Variants in LRMDA observed in about 807,000 individuals in gnomAD.
LRMDA encodes leucine rich melanocyte differentiation associated.
A neutral mutation model predicts 29.8 loss-of-function variants in LRMDA; 18 were observed. The ratio of observed to expected loss-of-function variants is 0.60; its 90% CI spans 0.42 to 0.90. The LOEUF is 0.90. LRMDA is among the 40% of genes least tolerant of loss of function. LRMDA has a pLI of 0.00. For missense variants in LRMDA, 273 were observed against 273.9 expected (o/e 1.00, Z 0.02); for synonymous variants, 125 against 109.4 (o/e 1.14, Z -0.89).
intron 2 of LRMDA, among the ~76,000 whole-genome samples, chr10:75,820,711 G>T (rs1453747780): frequency 3.9e-5 from 6 of 152,010 alleles, no homozygotes; most frequent in Admixed American, 2.6e-4. Flanking sequence ...GCCACTCAAA[G>T]GATCAATGTA....
intron 2 of LRMDA, among the ~76,000 whole-genome samples, chr10:75,672,890 C>G (rs1180706216): frequency 6.6e-6 from 1 of 151,522 alleles, no homozygotes; most frequent in Non-Finnish European, 1.5e-5. Context: ...TGTTTCCTTC[C>G]ACCGTTGGCT....
intron 2 of LRMDA, chr10:75,782,962 T>C (rs1243433780): frequency 6.2e-7 from 1 of 1,613,882 alleles, no homozygotes; most frequent in African/African-American, 1.3e-5. Context: ...GTCAATATCT[T>C]TGCCTTGAAA....
intron 2 of LRMDA, among the ~76,000 whole-genome samples, chr10:75,500,141 G>A (rs1217995487): frequency 2.0e-5 from 3 of 152,056 alleles, no homozygotes; most frequent in African/African-American, 7.2e-5. Context: ...CTGAGGTAGG[G>A]GGCTGGAGAC....
intron 2 of LRMDA, among the ~76,000 whole-genome samples, chr10:75,467,265 T>G (rs140777845): frequency 6.6e-6 from 1 of 152,306 alleles, no homozygotes; most frequent in Non-Finnish European, 1.5e-5. Context: ...GTGTGAGCCA[T>G]GGCAGGGAAG....
intron 6 of LRMDA, among the ~76,000 whole-genome samples, chr10:76,423,879 G>A (rs751395774): frequency 6.6e-6 from 1 of 152,126 alleles, no homozygotes; most frequent in Non-Finnish European, 1.5e-5. Context: ...AGGCCCCAAG[G>A]GGTGAGGGGA....
At chr10:76,000,476 A>G (rs1334024025) in intron 2 of LRMDA, among the ~76,000 whole-genome samples, 2 of 152,154 alleles carry the variant, frequency 1.3e-5, no homozygotes, top group Non-Finnish European at 2.9e-5. Context: ...CCCCTGAACA[A>G]TGGTGAGAGG....
chr10:75,608,111 TATA>T (rs1840980161), intron 2 of LRMDA, among the ~76,000 whole-genome samples: 1 of 63,402 alleles, frequency 1.6e-5, no homozygotes, highest in African/African-American at 1.2e-4. Context: ...GTAGTGTGTG[TATA>T]TATATATATA....
rs187274733 is a variant in LRMDA at position 75,483,879 on chromosome 10, T to A, written c.131+45385T>A. Among the ~76,000 whole-genome samples the A allele has an allele frequency of 3.3e-3, 498 of 150,662 alleles. 2 individuals are homozygous for A. The highest frequency in any genetic ancestry group is 0.011 in the African/African-American group (471 of 41,146). Reference sequence around the variant, plus strand: ...CTAGTATGGAGAGGTTTTTTTTTTTTAATGATTTTTCAGGTAGTATTACTT... The same window carrying A: ...CTAGTATGGAGAGGTTTTTTTTTTTAAATGATTTTTCAGGTAGTATTACTT... On this transcript the variant is annotated intron_variant, in intron 2 of 6. Transcript: ENST00000611255.
chr10:75,493,521 A>G (rs2132062829), intron 2 of LRMDA, among the ~76,000 whole-genome samples: 1 of 152,122 alleles, frequency 6.6e-6, no homozygotes, highest in Middle Eastern at 3.4e-3. Context: ...CTCTGAAGCT[A>G]CCCTTCTGAA....
At chr10:76,479,875 A>C (rs1382069134) in intron 6 of LRMDA, among the ~76,000 whole-genome samples, 1 of 151,916 alleles carries the variant, frequency 6.6e-6, no homozygotes, top group Non-Finnish European at 1.5e-5. Flanking sequence ...GTTGAAGTTT[A>C]GATGATTATA....
In LRMDA at chr10:76,277,853, C is replaced by G. The variant is rs551370462; in HGVS notation, c.517-46548C>G. On this transcript the variant is annotated intron_variant, in intron 5 of 6. Transcript: ENST00000611255. ...AGGGATGTGATCTTTATTGGAATAG[C>G]CAGACTTAATTCTCTCATCTGACAT... Among the ~76,000 whole-genome samples the G allele has an allele frequency of 7.9e-5, 12 of 152,258 alleles. 1 individual carries two copies. The South Asian group carries it at 8.3e-4, about 11-fold the overall frequency.
chr10:76,310,889 G>A (rs1299287465), intron 5 of LRMDA, among the ~76,000 whole-genome samples: 1 of 152,210 alleles, frequency 6.6e-6, no homozygotes, highest in Non-Finnish European at 1.5e-5. Flanking sequence ...AGTCAACAGA[G>A]TTTTAGGTCT....
chr10:75,727,195 C>T (rs765024203), intron 2 of LRMDA, among the ~76,000 whole-genome samples: 3 of 152,096 alleles, frequency 2.0e-5, no homozygotes, highest in Non-Finnish European at 2.9e-5. Context: ...CCTGATTTTT[C>T]TTCTCTGCGG....
chr10:76,460,561 G>A (rs1842501542), intron 6 of LRMDA, among the ~76,000 whole-genome samples: 1 of 152,194 alleles, frequency 6.6e-6, no homozygotes, highest in South Asian at 2.1e-4. Flanking sequence ...CCATGATTTA[G>A]CTATTTTTCT....
intron 5 of LRMDA, among the ~76,000 whole-genome samples, chr10:76,082,061 T>A (rs963935729): frequency 3.3e-5 from 5 of 152,178 alleles, no homozygotes; most frequent in African/African-American, 4.8e-5. Flanking sequence ...GGTTTAGGAC[T>A]GCACAGATTC....
At chr10:75,534,951 TA>T (rs1410366862) in intron 2 of LRMDA, among the ~76,000 whole-genome samples, 1 of 152,104 alleles carries the variant, frequency 6.6e-6, no homozygotes. Flanking sequence ...TAAGCTTCAT[TA>T]AAAAAACGAA....
chr10:76,386,418 A>G (rs1043248717), intron 6 of LRMDA, among the ~76,000 whole-genome samples: 1 of 152,304 alleles, frequency 6.6e-6, no homozygotes, highest in Non-Finnish European at 1.5e-5. Flanking sequence ...TGTCTTCTAC[A>G]TGGGGAAGTT....
chr10:75,840,718 C>T (rs1395535923), intron 2 of LRMDA, among the ~76,000 whole-genome samples: 3 of 152,238 alleles, frequency 2.0e-5, no homozygotes, highest in African/African-American at 4.8e-5. Context: ...TATTAATGAA[C>T]TATGAAGAAT....
chr10:76,332,278 G>A (rs538577085), intron 6 of LRMDA, among the ~76,000 whole-genome samples: 43 of 152,328 alleles, frequency 2.8e-4, no homozygotes, highest in African/African-American at 1.0e-3. Flanking sequence ...ACCAAGACTG[G>A]CATGGAGTTT....
Sources: gnomAD v4.1 joint callset for allele counts (sites outside exome capture counted in the v4.1 genomes callset) on GRCh38, gnomAD v4.1.1 for gene constraint, MANE v1.5 for transcripts, NCBI Gene and HGNC (gene_info 2026-07-23, HGNC 2026-07-21) for gene names.